The following BTAF1 variants were observed in gnomAD, a reference collection of about 807,000 sequenced individuals.
BTAF1 encodes TATA-binding protein-associated factor 172.
Under a neutral mutation model 227.1 loss-of-function variants are expected in BTAF1, and 38 were observed. The observed-to-expected ratio is 0.17, with a 90% CI of 0.13 to 0.22. The LOEUF (loss-of-function observed/expected upper bound fraction) is 0.22. Among genes scored for constraint, BTAF1 ranks in the 10% least tolerant of loss-of-function variants. BTAF1 has a pLI of 1.00. For missense variants in BTAF1, 1,598 were observed against 2,204.0 expected (o/e 0.73, Z 5.51); for synonymous variants, 742 against 751.9 (o/e 0.99, Z 0.21).
At chr10:91,925,972 T>C (rs1006471790) in intron 1 of BTAF1, among the ~76,000 whole-genome samples, 2 of 152,218 alleles carry the variant, frequency 1.3e-5, no homozygotes, top group African/African-American at 4.8e-5. Flanking sequence ...TGTCATGTTT[T>C]TATGGAAGAG....
At chr10:91,936,366 TAGG>T (rs750653859) in intron 2 of BTAF1, among the ~76,000 whole-genome samples, 13 of 126,286 alleles carry the variant, frequency 1.0e-4, no homozygotes, top group Non-Finnish European at 2.0e-4. Context: ...GTGCTTTGTA[TAGG>T]AGGAGGGGAG....
chr10:91,949,122 G>A (rs1845580307), intron 4 of BTAF1, among the ~76,000 whole-genome samples: 1 of 152,112 alleles, frequency 6.6e-6, no homozygotes, highest in African/African-American at 2.4e-5. Context: ...ACCAGCCTGG[G>A]CAGTCTAGAG....
At chr10:91,953,457 C>A (rs2133866663) in intron 5 of BTAF1, among the ~76,000 whole-genome samples, 1 of 152,036 alleles carries the variant, frequency 6.6e-6, no homozygotes, top group South Asian at 2.1e-4. Context: ...TCAAGGCCTT[C>A]TCTATGGGTT....
At chr10:91,988,600 CTGTTT>C (rs1258752951) in intron 19 of BTAF1, among the ~76,000 whole-genome samples, 1 of 152,114 alleles carries the variant, frequency 6.6e-6, no homozygotes, top group African/African-American at 2.4e-5. Context: ...TTGTTCTGTT[CTGTTT>C]TGTTTTGTTT....
intron 19 of BTAF1, among the ~76,000 whole-genome samples, chr10:91,988,856 C>T (rs1033017587): frequency 1.3e-5 from 2 of 152,116 alleles, no homozygotes; most frequent in African/African-American, 4.8e-5. Context: ...GAGTATTCTG[C>T]GGGTGTTAAA....
At chr10:91,995,509 C>T (rs1309550140) in intron 23 of BTAF1, among the ~76,000 whole-genome samples, 1 of 151,584 alleles carries the variant, frequency 6.6e-6, no homozygotes, top group Non-Finnish European at 1.5e-5. Flanking sequence ...ACCCCCATCT[C>T]TACTAAAAAT....
intron 32 of BTAF1, 46 bp downstream of exon 32, chr10:92,014,075 A>G: frequency 6.4e-7 from 1 of 1,572,296 alleles, no homozygotes; most frequent in Non-Finnish European, 8.6e-7. Flanking sequence ...GTTTATTAGC[A>G]GATTGTTTTG....
intron 19 of BTAF1, among the ~76,000 whole-genome samples, chr10:91,985,320 A>T (rs1204319033): frequency 1.3e-5 from 2 of 151,548 alleles, no homozygotes; most frequent in African/African-American, 4.8e-5. Context: ...TCAATAACTT[A>T]TTTTTTTTAT....
At chr10:91,995,166 T>C (rs894587785) in intron 23 of BTAF1, among the ~76,000 whole-genome samples, 1 of 152,198 alleles carries the variant, frequency 6.6e-6, no homozygotes, top group Admixed American at 6.5e-5. Flanking sequence ...AATTATCTGG[T>C]TTTTTTCATA....
intron 2 of BTAF1, among the ~76,000 whole-genome samples, chr10:91,939,022 A>G (rs1218934753): frequency 1.3e-5 from 2 of 149,490 alleles, no homozygotes; most frequent in East Asian, 3.9e-4. Flanking sequence ...ATTGTGTTGA[A>G]TCTCTTGATT....
Position 92,009,218 on chromosome 10 carries a change from G to A in BTAF1, c.4103+10G>A. The A allele has an allele frequency of 6.2e-7, 1 of 1,607,684 alleles. No individual in the cohort carries two copies. Among genetic ancestry groups the A allele is most frequent in the South Asian group, 1.1e-5 (1 of 90,290 alleles). On this transcript the variant is annotated intron_variant, in intron 28 of 37. Coordinates refer to ENST00000265990, the MANE Select transcript of BTAF1 (RefSeq NM_003972.3). ...CCACTGAAAGAATAAGGTAAGAGTT[G>A]TATGACAATAACAAAATATTTCATC...
At chr10:91,986,691 C>G (rs530637285) in intron 19 of BTAF1, among the ~76,000 whole-genome samples, 3 of 152,212 alleles carry the variant, frequency 2.0e-5, no homozygotes, top group African/African-American at 7.2e-5. Flanking sequence ...AGTCTAGGTT[C>G]CCTGCCTACT....
At chr10:92,005,542 CT>C (rs1049692360) in intron 25 of BTAF1, among the ~76,000 whole-genome samples, 3 of 152,100 alleles carry the variant, frequency 2.0e-5, no homozygotes, top group African/African-American at 7.2e-5. Flanking sequence ...CTTTCACCTC[CT>C]TACATTTATT....
In BTAF1 at chr10:91,935,711, A is replaced by G. The variant is rs1277966187; in HGVS notation, c.69A>G (p.Lys23=). 6.2e-6 allele frequency: 10 copies of G among 1,613,692 alleles called. No individual in the cohort carries two copies. In the South Asian group the frequency reaches 9.9e-5, roughly 16 times the overall value. Residue 23 remains lysine, a synonymous_variant, in exon 2 of 38, where the codon AAA becomes AAG. Transcript: ENST00000265990. ...CTGGCACTACTCCTGTTACAAGAAAAGCTGCTGCACAGCAACTTGGAGAAG... is the reference window on the plus strand; with the variant it reads ...CTGGCACTACTCCTGTTACAAGAAAGGCTGCTGCACAGCAACTTGGAGAAG... ...LDTGTTPVTR[K]AAAQQLGEVV... is the part of the protein sequence containing the mutation.
chr10:92,027,985 ATG>A (rs1851642430), intron 37 of BTAF1, among the ~76,000 whole-genome samples: 1 of 152,208 alleles, frequency 6.6e-6, no homozygotes, highest in African/African-American at 2.4e-5. Flanking sequence ...CTGCCATACT[ATG>A]TGTATGTTAA....
chr10:91,959,379 T>G, intron 9 of BTAF1: 1 of 823,982 alleles, frequency 1.2e-6, no homozygotes, highest in South Asian at 2.3e-5. Context: ...CTGGAGACAC[T>G]GGTAATAGTA....
At chr10:91,983,365 C>G (rs1312046076) in intron 18 of BTAF1, among the ~76,000 whole-genome samples, 2 of 152,182 alleles carry the variant, frequency 1.3e-5, no homozygotes, top group Non-Finnish European at 2.9e-5. Context: ...GACTGGAATT[C>G]TGGAAATTTA....
chr10:92,028,081 G>C (rs1016552218), intron 37 of BTAF1, among the ~76,000 whole-genome samples: 1 of 152,152 alleles, frequency 6.6e-6, no homozygotes, highest in African/African-American at 2.4e-5. Context: ...ATGGAGGCAG[G>C]TTCTTCAATC....
At chr10:91,970,080 CA>C (rs1376084215) in intron 14 of BTAF1, among the ~76,000 whole-genome samples, 2 of 66,592 alleles carry the variant, frequency 3.0e-5, no homozygotes, top group African/African-American at 1.0e-4. Context: ...TTTTCTTGTC[CA>C]GGGATTTTTT....
Sources: allele counts gnomAD v4.1 joint callset (sites outside exome capture counted in the v4.1 genomes callset), GRCh38; gene constraint gnomAD v4.1.1; transcripts MANE v1.5; gene names NCBI Gene and HGNC (gene_info 2026-07-23, HGNC 2026-07-21).